The following IPCEF1 variants were observed in gnomAD, a reference collection of about 807,000 sequenced individuals.
IPCEF1 encodes interactor protein for cytohesin exchange factors 1.
A neutral mutation model predicts 50.9 loss-of-function variants in IPCEF1; 31 were observed. The observed-to-expected ratio is 0.61, with a 90% confidence interval of 0.46 to 0.82. The LOEUF is 0.82. IPCEF1 is among the 40% of genes least tolerant of loss of function. IPCEF1 has a pLI of 0.00. For synonymous variants in IPCEF1, 181 were observed against 192.0 expected, an observed-to-expected ratio of 0.94 and a Z score of 0.47; for missense variants, 458 against 514.0, an observed-to-expected ratio of 0.89 and a Z score of 1.05.
chr6:154,348,861 A>T (rs1272965957), intron 1 of IPCEF1, among the ~76,000 whole-genome samples: 1 of 152,230 alleles, frequency 6.6e-6, no homozygotes, highest in Non-Finnish European at 1.5e-5. Context: ...GATTATATAT[A>T]TTCTCATCAG....
At chr6:154,189,184 C>A (rs568887490) in intron 10 of IPCEF1, among the ~76,000 whole-genome samples, 1 of 152,282 alleles carries the variant, frequency 6.6e-6, no homozygotes, top group East Asian at 1.9e-4. Flanking sequence ...CTTAGATGTG[C>A]TAATCCATAA....
At chr6:154,321,594 AT>A (rs1783376943) in intron 1 of IPCEF1, among the ~76,000 whole-genome samples, 1 of 151,930 alleles carries the variant, frequency 6.6e-6, no homozygotes, top group Admixed American at 6.6e-5. Context: ...CCTGGCCAAA[AT>A]GGTGAAACCC....
At chr6:154,199,535 G>T in intron 10 of IPCEF1, 133 bp downstream of exon 10, 2 of 1,060,764 alleles carry the variant, frequency 1.9e-6, no homozygotes, top group Non-Finnish European at 2.6e-6. Flanking sequence ...CAACCTCTGG[G>T]CATAGCCCCA....
At chr6:154,202,426 G>A (rs1477281721) in intron 9 of IPCEF1, among the ~76,000 whole-genome samples, 9 of 152,104 alleles carry the variant, frequency 5.9e-5, no homozygotes, top group Non-Finnish European at 8.8e-5. Context: ...TAGTTTACTC[G>A]TTAGCAGGAT....
rs754884121 is a variant in IPCEF1, at chr6:154,199,694, G to C, written c.884C>G (p.Pro295Arg). Residue 295 changes from proline to arginine, a missense_variant, in exon 10 of 12, where the codon CCT (proline) becomes CGT (arginine). Transcript: ENST00000367220. ...NHDHLTVPDKPAGSKIMDKEE... is the reference protein window; with the variant it reads ...NHDHLTVPDKRAGSKIMDKEE... ...TTTGTCCATGATCTTTGATCCAGCA[G>C]GCTTATCTGGGACAGTAAGATGGTC... The C allele has an allele frequency of 2.5e-6, 4 of 1,611,874 alleles. No homozygotes were observed. Among genetic ancestry groups the C allele is most frequent in the Non-Finnish European group, 3.4e-6 (4 of 1,178,502 alleles).
intron 10 of IPCEF1, among the ~76,000 whole-genome samples, chr6:154,176,889 A>C (rs1016217234): frequency 1.3e-5 from 2 of 152,244 alleles, no homozygotes; most frequent in African/African-American, 2.4e-5. Flanking sequence ...ACTTCAAACT[A>C]TACCACAAGG....
chr6:154,276,422 G>A (rs748423698), intron 2 of IPCEF1, among the ~76,000 whole-genome samples: 1 of 152,166 alleles, frequency 6.6e-6, no homozygotes, highest in Non-Finnish European at 1.5e-5. Flanking sequence ...ATAAACTACT[G>A]TATATAATCA....
intron 2 of IPCEF1, among the ~76,000 whole-genome samples, chr6:154,286,150 T>C (rs906052554): frequency 1.3e-5 from 2 of 152,092 alleles, no homozygotes; most frequent in African/African-American, 4.8e-5. Context: ...CTACACACCC[T>C]TGAACCAAGA....
At chr6:154,290,442 G>A (rs974320647) in intron 1 of IPCEF1, among the ~76,000 whole-genome samples, 1 of 152,116 alleles carries the variant, frequency 6.6e-6, no homozygotes, top group African/African-American at 2.4e-5. Context: ...TGTCCGCTTG[G>A]CACTTTTCCA....
rs1380338332 is a variant in IPCEF1, at chr6:154,185,026, T to C, written c.910+14642A>G. Among the ~76,000 whole-genome samples, 3 of 152,158 alleles carry C rather than the reference T, an allele frequency of 2.0e-5. No individual in the cohort carries two copies. In the East Asian group the frequency reaches 5.8e-4, roughly 29 times the overall value. ...CCCTTTTTCCTAAAAAGTAAAAAAA[T>C]CATCCTAAAGATTAGAGATTTCTGA... is the stretch of plus-strand genomic sequence containing the variant. On this transcript the variant is annotated intron_variant, in intron 10 of 11. Coordinates refer to ENST00000367220, the MANE Select transcript of IPCEF1 (RefSeq NM_001130700.2).
intron 3 of IPCEF1, among the ~76,000 whole-genome samples, chr6:154,263,230 CT>C (rs10701125): frequency 1.0e-4 from 15 of 147,928 alleles, no homozygotes; most frequent in African/African-American, 3.7e-4. Flanking sequence ...GTAAATGAGT[CT>C]TTTTTTTTTA....
rs1009936465 is a variant in IPCEF1 at position 154,158,370 on chromosome 6, C to G, written c.*1458G>C. 2.0e-5 allele frequency: 3 copies of G among 152,154 alleles called. No homozygotes were observed. The highest frequency in any genetic ancestry group is 6.6e-5 in the Admixed American group (1 of 15,264). 9.4% of individuals were successfully genotyped at this position (152,154 alleles called of 1,614,324 possible). The stretch of plus-strand genomic sequence containing the variant: ...ACTTTCATATTGTTTCTCTATAGCT[C>G]TCTTTAACACAATGATTTCTAAATT... On this transcript the variant is annotated 3_prime_UTR_variant, in exon 12 of 12. Coordinates refer to ENST00000367220, the MANE Select transcript of IPCEF1 (RefSeq NM_001130700.2).
At chr6:154,205,464 G>A (rs1471677271) in intron 9 of IPCEF1, among the ~76,000 whole-genome samples, 29 of 152,076 alleles carry the variant, frequency 1.9e-4, no homozygotes, top group Admixed American at 1.9e-3. Flanking sequence ...GCGTGGTGGT[G>A]CAAGCCTGTA....
At chr6:154,197,673 G>T (rs576189447) in intron 10 of IPCEF1, among the ~76,000 whole-genome samples, 2 of 152,306 alleles carry the variant, frequency 1.3e-5, no homozygotes, top group East Asian at 3.9e-4. Context: ...TCCTGGAATG[G>T]CATTTAGCCA....
intron 1 of IPCEF1, among the ~76,000 whole-genome samples, chr6:154,294,133 A>G (rs1782579143): frequency 6.6e-6 from 1 of 152,146 alleles, no homozygotes; most frequent in South Asian, 2.1e-4. Flanking sequence ...TATTCTCACA[A>G]TCCTCTTAAA....
chr6:154,191,000 G>A (rs1362036689), intron 10 of IPCEF1, among the ~76,000 whole-genome samples: 3 of 152,068 alleles, frequency 2.0e-5, no homozygotes, highest in Non-Finnish European at 4.4e-5. Flanking sequence ...AGCTTTCACT[G>A]AGCCGAGATC....
At position 154,214,274 on chromosome 6, in the gene IPCEF1, C is replaced by T; in HGVS notation, c.395G>A (p.Trp132Ter). The T allele has an allele frequency of 6.2e-7, 1 of 1,606,472 alleles. No individual in the cohort carries two copies. The highest frequency in any genetic ancestry group is 8.5e-7 in the Non-Finnish European group (1 of 1,173,088). ...TACAGCCGATCCAAGTTTATTTAACCACCTAAAATTCAAATAGAAAGCAAA... is the reference window on the plus strand; with the variant it reads ...TACAGCCGATCCAAGTTTATTTAACTACCTAAAATTCAAATAGAAAGCAAA... ...AAENVQEMNV[W>*]LNKLGSAVIH... The change falls in exon 8 of 12, where the codon TGG becomes TAG. Residue 132 changes from tryptophan to a stop codon, truncating the protein, a stop_gained and splice_region_variant. Transcript: ENST00000367220. LOFTEE classifies it high-confidence loss of function.
At chr6:154,192,318 C>CTGTGTGTGTGTGTGTGTG (rs56231733) in intron 10 of IPCEF1, among the ~76,000 whole-genome samples, 36 of 148,124 alleles carry the variant, frequency 2.4e-4, no homozygotes, top group African/African-American at 4.0e-4. Flanking sequence ...CACGTGGTTA[C>CTGTGTGTGTGTGTGTGTG]TGTGTGTGTG....
chr6:154,237,060 C>T lies in IPCEF1; in HGVS notation c.246+9531G>A, dbSNP rs1780192710. On this transcript the variant is annotated intron_variant, in intron 5 of 11. Coordinates refer to ENST00000367220, the MANE Select transcript of IPCEF1 (RefSeq NM_001130700.2). ...CTCTATGGAAGATTAAACACAGCAG[C>T]ACAGTGACAGATGAGTCTATCAATT... 5.9e-5 allele frequency among the ~76,000 whole-genome samples: 9 copies of T among 152,174 alleles called. 1 individual carries two copies. Among genetic ancestry groups the T allele is most frequent in the Admixed American group, 5.9e-4 (9 of 15,274 alleles).
Sources: allele counts gnomAD v4.1 joint callset (sites outside exome capture counted in the v4.1 genomes callset), GRCh38; gene constraint gnomAD v4.1.1; transcripts MANE v1.5; gene names NCBI Gene and HGNC (gene_info 2026-07-23, HGNC 2026-07-21).